The following IFT25 variants were observed in gnomAD, a reference collection of about 807,000 sequenced individuals.
IFT25 encodes intraflagellar transport protein 25 homolog.
chr1:53,933,623 G>A, the IFT25 span, among the ~76,000 whole-genome samples: 1 of 152,166 alleles, frequency 6.6e-6, no homozygotes. Flanking sequence ...TATTTAAAGT[G>A]CATATCTTTT....
At chr1:53,933,376 C>T in the IFT25 span, among the ~76,000 whole-genome samples, 35 of 152,162 alleles carry the variant, frequency 2.3e-4, no homozygotes, top group Admixed American at 1.8e-3. Context: ...CCTCGTGATC[C>T]GCCCGCCTCG....
the IFT25 span, among the ~76,000 whole-genome samples, chr1:53,932,609 G>C: frequency 2.0e-5 from 3 of 152,230 alleles, no homozygotes; most frequent in African/African-American, 4.8e-5. Context: ...CTGTCACCCA[G>C]ACTGCAGTGC....
chr1:53,918,861 G>A, the IFT25 span, among the ~76,000 whole-genome samples: 8 of 152,130 alleles, frequency 5.3e-5, no homozygotes, highest in East Asian at 9.7e-4. Flanking sequence ...TTTTTGAGAT[G>A]TAGTTTCACT....
chr1:53,933,135 C>CTT, the IFT25 span, among the ~76,000 whole-genome samples: 876 of 131,260 alleles, frequency 6.7e-3, 19 homozygotes, highest in African/African-American at 0.022. Context: ...TCCTTTTTCT[C>CTT]TTTTTTTTTT....
At chr1:53,934,908 A>G in the IFT25 span, among the ~76,000 whole-genome samples, 1 of 152,244 alleles carries the variant, frequency 6.6e-6, no homozygotes, top group Non-Finnish European at 1.5e-5. Flanking sequence ...CTGGGACATG[A>G]GAATCACTTG....
chr1:53,919,677 AAATC>A, the IFT25 span, among the ~76,000 whole-genome samples: 3 of 152,242 alleles, frequency 2.0e-5, no homozygotes, highest in African/African-American at 7.2e-5. Flanking sequence ...CATTTTTAAT[AAATC>A]AATAGATTCA....
the IFT25 span, chr1:53,928,434 G>A: frequency 1.9e-6 from 3 of 1,609,566 alleles, no homozygotes; most frequent in Non-Finnish European, 2.6e-6. Flanking sequence ...AATCTTCAAG[G>A]TCTGTACTAA....
chr1:53,925,032 G>C, the IFT25 span, among the ~76,000 whole-genome samples: 1 of 152,056 alleles, frequency 6.6e-6, no homozygotes, highest in Non-Finnish European at 1.5e-5. Flanking sequence ...CTGCTTCCTA[G>C]AAGTAAACAT....
At chr1:53,922,889 T>C in the IFT25 span, among the ~76,000 whole-genome samples, 13 of 152,216 alleles carry the variant, frequency 8.5e-5, no homozygotes, top group Non-Finnish European at 1.9e-4. Flanking sequence ...GTAAAAGTTT[T>C]TGTGACAGGG....
the IFT25 span, among the ~76,000 whole-genome samples, chr1:53,920,563 A>T: frequency 6.6e-6 from 1 of 152,180 alleles, no homozygotes; most frequent in Non-Finnish European, 1.5e-5. Flanking sequence ...GGTTCCAATT[A>T]ATGGGAAAGG....
At chr1:53,945,010 G>GT in the IFT25 span, among the ~76,000 whole-genome samples, 4 of 152,128 alleles carry the variant, frequency 2.6e-5, no homozygotes, top group Non-Finnish European at 5.9e-5. Flanking sequence ...GGAACGTGGT[G>GT]TACTTTAGAA....
At chr1:53,939,862 A>G in the IFT25 span, 2 of 644,904 alleles carry the variant, frequency 3.1e-6, no homozygotes, top group Non-Finnish European at 5.5e-6. Flanking sequence ...AGTGGATATC[A>G]GGTAATCCAC....
At chr1:53,942,912 C>T in the IFT25 span, among the ~76,000 whole-genome samples, 1 of 152,006 alleles carries the variant, frequency 6.6e-6, no homozygotes. Flanking sequence ...GTTCTGGGTA[C>T]TACGTTTTAA....
At chr1:53,926,960 T>C in the IFT25 span, among the ~76,000 whole-genome samples, 2 of 151,994 alleles carry the variant, frequency 1.3e-5, no homozygotes, top group Non-Finnish European at 2.9e-5. Context: ...CCTGGACTCA[T>C]GCAATCCTCC....
the IFT25 span, among the ~76,000 whole-genome samples, chr1:53,925,965 C>T: frequency 6.7e-6 from 1 of 149,910 alleles, no homozygotes; most frequent in Non-Finnish European, 1.5e-5. Context: ...AGCCAGGCAA[C>T]GTGGTGCACG....
chr1:53,928,816 A>G, the IFT25 span: 2 of 171,946 alleles, frequency 1.2e-5, no homozygotes, highest in Non-Finnish European at 2.5e-5. Context: ...CAATCTTATG[A>G]GAAAGGTACT....
At chr1:53,911,845 C>T in the IFT25 span, among the ~76,000 whole-genome samples, 1 of 152,132 alleles carries the variant, frequency 6.6e-6, no homozygotes, top group African/African-American at 2.4e-5. Flanking sequence ...TCCATAGATT[C>T]ATGAGTAGAG....
chr1:53,912,971 G>A, the IFT25 span, among the ~76,000 whole-genome samples: 5 of 152,188 alleles, frequency 3.3e-5, no homozygotes, highest in Non-Finnish European at 5.9e-5. Context: ...TATAGTAGGT[G>A]TTGTTGGTGC....
the IFT25 span, among the ~76,000 whole-genome samples, chr1:53,922,072 C>A: frequency 6.6e-6 from 1 of 152,174 alleles, no homozygotes; most frequent in East Asian, 1.9e-4. Context: ...GGATTACAGG[C>A]ATGAGCTACC....
Sources: gnomAD v4.1 joint callset for allele counts (sites outside exome capture counted in the v4.1 genomes callset) on GRCh38, gnomAD v4.1.1 for gene constraint, MANE v1.5 for transcripts, NCBI Gene and HGNC (gene_info 2026-07-23, HGNC 2026-07-21) for gene names.